PLEKHA7: variants seen among roughly 807,000 people sequenced by gnomAD.
PLEKHA7 encodes the protein pleckstrin homology domain containing A7.
Under a neutral mutation model 170.0 loss-of-function variants are expected in PLEKHA7, and 104 were observed. The observed-to-expected ratio is 0.61, with a 90% confidence interval of 0.52 to 0.72. The LOEUF (loss-of-function observed/expected upper bound fraction) is 0.72. PLEKHA7 is among the 30% of genes least tolerant of loss of function. The pLI is 0.00. For missense variants in PLEKHA7, 1,615 were observed against 1,671.7 expected, an observed-to-expected ratio of 0.97 and a Z score of 0.59; for synonymous variants, 648 against 660.8, an observed-to-expected ratio of 0.98 and a Z score of 0.30.
intron 3 of PLEKHA7, among the ~76,000 whole-genome samples, chr11:16,897,713 T>A (rs1252527879): frequency 6.6e-6 from 1 of 152,218 alleles, no homozygotes; most frequent in African/African-American, 2.4e-5. Context: ...ATATGCCATT[T>A]TGCTTCAGGA....
intron 19 of PLEKHA7, 121 bp downstream of exon 19, chr11:16,794,366 TC>T (rs1848064307): frequency 1.1e-6 from 1 of 922,414 alleles, no homozygotes; most frequent in African/African-American, 1.6e-5. Flanking sequence ...GACTAAGGAC[TC>T]CTTTAGGACG....
At position 16,803,272 on chromosome 11, in the gene PLEKHA7, C is replaced by A; in HGVS notation, c.2031G>T (p.Lys677Asn). ...TCTTCACAGGCTTCAGACTTCGATC[C>A]TTGAGAAGGTCCCGGCCTGTCATCT... ...DLKMTGRDLL[K>N]DRSLKPVKIA... The change falls in exon 14 of 27, where the codon AAG (lysine) becomes AAT (asparagine). Residue 677 changes from lysine to asparagine, a missense_variant. Coordinates refer to ENST00000531066, the MANE Select transcript of PLEKHA7 (RefSeq NM_001329630.2). The A allele has an allele frequency of 1.9e-6, 3 of 1,613,980 alleles. No individual in the cohort carries two copies. The highest frequency in any genetic ancestry group is 2.5e-6 in the Non-Finnish European group (3 of 1,179,832).
intron 10 of PLEKHA7, among the ~76,000 whole-genome samples, chr11:16,821,477 G>C (rs1483815771): frequency 6.6e-6 from 1 of 152,192 alleles, no homozygotes; most frequent in Admixed American, 6.5e-5. Context: ...TGTGAAATTT[G>C]TATCTCCAAT....
At chr11:16,909,129 A>C (rs1858070991) in intron 3 of PLEKHA7, among the ~76,000 whole-genome samples, 1 of 152,210 alleles carries the variant, frequency 6.6e-6, no homozygotes. Context: ...TGTGCTGAAC[A>C]CTTCACATGC....
In PLEKHA7 at chr11:16,786,345, C is replaced by A. The variant is rs1357060472; in HGVS notation, c.3400G>T (p.Val1134Phe). The change falls in exon 24 of 27, where the codon GTC (valine) becomes TTC (phenylalanine). Residue 1134 changes from valine (V) to phenylalanine (F), a missense_variant. Coordinates refer to ENST00000531066, the MANE Select transcript of PLEKHA7 (RefSeq NM_001329630.2). ...TTGTCCTTTTTTTCCCCTTGCACGA[C>A]CCGTTCCAGCAACTGCAGGTCAAAG... ...QDFDLQLLER[V>F]VQGEKKDKEE... is the part of the protein sequence containing the mutation. 1 of 1,536,160 alleles carries A rather than the reference C, an allele frequency of 6.5e-7. No individual in the cohort carries two copies. Among genetic ancestry groups the A allele is most frequent in the South Asian group, 1.2e-5 (1 of 84,070 alleles).
chr11:16,887,202 C>T (rs1234139062), intron 3 of PLEKHA7, among the ~76,000 whole-genome samples: 1 of 151,904 alleles, frequency 6.6e-6, no homozygotes, highest in Non-Finnish European at 1.5e-5. Flanking sequence ...TAGGCTAGGC[C>T]AAGCAGAAGA....
intron 3 of PLEKHA7, among the ~76,000 whole-genome samples, chr11:17,006,837 C>G (rs553039608): frequency 3.1e-4 from 47 of 152,248 alleles, no homozygotes; most frequent in Admixed American, 9.2e-4. Flanking sequence ...TATTCACTGG[C>G]TTTCCTAAGG....
chr11:16,816,170 C>T lies in PLEKHA7; in HGVS notation c.1953+8G>A. 11 of 1,604,986 alleles carry T rather than the reference C, an allele frequency of 6.9e-6. No individual in the cohort carries two copies. Among genetic ancestry groups the T allele is most frequent in the Non-Finnish European group, 9.4e-6 (11 of 1,171,772 alleles). On this transcript the variant is annotated splice_region_variant and intron_variant, in intron 12 of 26. Transcript: ENST00000531066. ...GCTTTGCAGGCTATGTCTTGTCATT[C>T]ACCCTACCGATTTTCCATGTAAACT... is the stretch of plus-strand genomic sequence containing the variant.
intron 3 of PLEKHA7, among the ~76,000 whole-genome samples, chr11:16,994,620 C>T (rs1282933443): frequency 5.3e-5 from 8 of 152,158 alleles, no homozygotes; most frequent in African/African-American, 1.9e-4. Context: ...CCTGGATCCT[C>T]TGAGAGGCCC....
At chr11:16,888,848 C>A (rs1292478268) in intron 3 of PLEKHA7, among the ~76,000 whole-genome samples, 2 of 137,046 alleles carry the variant, frequency 1.5e-5, no homozygotes, top group Non-Finnish European at 3.2e-5. Context: ...TCAATAAATA[C>A]TAAAAAAAAA....
rs1590156940 is a variant in PLEKHA7, at chr11:16,799,392, T to C, written c.2409+1582A>G. On this transcript the variant is annotated intron_variant, in intron 17 of 26. Coordinates refer to ENST00000531066, the MANE Select transcript of PLEKHA7 (RefSeq NM_001329630.2). ...ACCAATAGATAGCACTGATGACACA[T>C]AGGGAGGGTGATGGGAGGGGCAGAA... is the stretch of plus-strand genomic sequence containing the variant. Among the ~76,000 whole-genome samples, 3 of 152,186 alleles carry C rather than the reference T, an allele frequency of 2.0e-5. No homozygotes were observed. The East Asian group carries it at 5.8e-4, about 29-fold the overall frequency.
intron 21 of PLEKHA7, 33 bp downstream of exon 21, chr11:16,790,765 C>A: frequency 6.3e-7 from 1 of 1,592,530 alleles, no homozygotes; most frequent in Non-Finnish European, 8.6e-7. Context: ...TGGTGGGATT[C>A]CCAGAGAAAC....
intron 3 of PLEKHA7, among the ~76,000 whole-genome samples, chr11:16,964,672 C>A (rs573575665): frequency 6.6e-6 from 1 of 152,220 alleles, no homozygotes; most frequent in African/African-American, 2.4e-5. Flanking sequence ...TGGGCAGGGC[C>A]TTTCCTGCTT....
intron 26 of PLEKHA7, among the ~76,000 whole-genome samples, chr11:16,781,921 C>A (rs143373204): frequency 6.6e-6 from 1 of 152,124 alleles, no homozygotes; most frequent in African/African-American, 2.4e-5. Context: ...GCCAGGAGCA[C>A]CACCCAGACA....
At chr11:16,901,494 AAT>A (rs1857333053) in intron 3 of PLEKHA7, among the ~76,000 whole-genome samples, 1 of 152,212 alleles carries the variant, frequency 6.6e-6, no homozygotes, top group Admixed American at 6.5e-5. Context: ...TATCCTTCCC[AAT>A]ATGTCTTTTC....
intron 3 of PLEKHA7, among the ~76,000 whole-genome samples, chr11:16,982,784 C>CACACAA (rs1366977017): frequency 6.9e-6 from 1 of 144,684 alleles, no homozygotes; most frequent in African/African-American, 2.6e-5. Flanking sequence ...ATCCCCTACA[C>CACACAA]ACACACACAC....
chr11:16,915,862 C>A (rs530641122), intron 3 of PLEKHA7, among the ~76,000 whole-genome samples: 1,504 of 147,836 alleles, frequency 0.01, 29 homozygotes, highest in African/African-American at 0.037. Context: ...ATTTATAGTC[C>A]TTTGGGTATA....
chr11:16,826,242 A>G lies in PLEKHA7; in HGVS notation c.1221T>C (p.Asn407=). The G allele has an allele frequency of 1.2e-6, 2 of 1,614,154 alleles. No individual in the cohort carries two copies. Among genetic ancestry groups the G allele is most frequent in the Non-Finnish European group, 1.7e-6 (2 of 1,180,030 alleles). The change falls in exon 10 of 27, where the codon AAT becomes AAC. Residue 407 remains asparagine (N), a synonymous_variant. Coordinates refer to ENST00000531066, the MANE Select transcript of PLEKHA7 (RefSeq NM_001329630.2). ...LPASYGPGEQ[N]GTGGYQRAFP... ...AGGCCCGCTGGTACCCACCAGTCCC[A>G]TTCTGTTCTCCTGGGCCATATGAGG...
intron 3 of PLEKHA7, among the ~76,000 whole-genome samples, chr11:17,007,245 C>A (rs1865055786): frequency 6.6e-6 from 1 of 152,092 alleles, no homozygotes; most frequent in Non-Finnish European, 1.5e-5. Context: ...TTATATTCTA[C>A]AATATAGAAA....
Sources: gnomAD v4.1 joint callset for allele counts (sites outside exome capture counted in the v4.1 genomes callset) on GRCh38, gnomAD v4.1.1 for gene constraint, MANE v1.5 for transcripts, NCBI Gene and HGNC (gene_info 2026-07-23, HGNC 2026-07-21) for gene names.